FAM83B: variants seen among roughly 807,000 people sequenced by gnomAD.
The protein encoded by FAM83B is scaffolding CK1 anchoring protein B.
A neutral mutation model predicts 38.8 loss-of-function variants in FAM83B; 26 were observed. The ratio of observed to expected loss-of-function variants is 0.67; its 90% CI spans 0.49 to 0.93. The LOEUF (loss-of-function observed/expected upper bound fraction) is 0.93, where lower values mean the gene tolerates loss of function less well. FAM83B is among the 40% of genes least tolerant of loss of function. FAM83B has a pLI of 0.00. For missense variants in FAM83B, 1,237 were observed against 1,197.3 expected, an observed-to-expected ratio of 1.03 and a Z score of -0.49; for synonymous variants, 419 against 423.1, an observed-to-expected ratio of 0.99 and a Z score of 0.12.
chr6:54,868,257 G>A (rs1771764848), intron 1 of FAM83B, among the ~76,000 whole-genome samples: 1 of 152,088 alleles, frequency 6.6e-6, no homozygotes, highest in Non-Finnish European at 1.5e-5. Flanking sequence ...ATGGATGGCT[G>A]TCTCATGCAT....
At chr6:54,900,320 C>T (rs1044345961) in intron 2 of FAM83B, among the ~76,000 whole-genome samples, 1 of 152,114 alleles carries the variant, frequency 6.6e-6, no homozygotes, top group African/African-American at 2.4e-5. Flanking sequence ...ATATCAGGAT[C>T]TCTGGGGGAA....
rs777906166 is a variant in FAM83B, at chr6:54,927,555, A to C, written c.657A>C (p.Thr219=). ...TVKGQDYLSK[T]GAKFHGKMEQ... is the part of the protein sequence containing the mutation. ...AAGGCCAAGATTATCTTTCAAAAAC[A>C]GGGGCAAAATTCCATGGAAAAATGG... is the stretch of plus-strand genomic sequence containing the variant. Residue 219 remains threonine, a synonymous_variant, in exon 4 of 5, where the codon ACA becomes ACC. Coordinates refer to ENST00000306858, the MANE Select transcript of FAM83B (RefSeq NM_001010872.3). 3.1e-6 allele frequency: 5 copies of C among 1,608,864 alleles called. No homozygotes were observed. Among genetic ancestry groups the C allele is most frequent in the Non-Finnish European group, 3.4e-6 (4 of 1,176,862 alleles).
intron 1 of FAM83B, among the ~76,000 whole-genome samples, chr6:54,862,991 G>A (rs1771622503): frequency 6.6e-6 from 1 of 152,142 alleles, no homozygotes; most frequent in East Asian, 1.9e-4. Flanking sequence ...GGTGATTCTG[G>A]AGAAACTGGG....
rs932945006 is a variant in FAM83B, at chr6:54,941,022, T to C, written c.2051T>C (p.Val684Ala). Reference sequence around the variant, plus strand: ...GATCCTGGAAATAGTAAGCATTATGTATATAGTACACTTACCAGGAATCGA... The same window carrying C: ...GATCCTGGAAATAGTAAGCATTATGCATATAGTACACTTACCAGGAATCGA... ...NLDPGNSKHY[V>A]YSTLTRNRVR... Residue 684 changes from valine (V) to alanine (A), a missense_variant, in exon 5 of 5, where the codon GTA (valine) becomes GCA (alanine). Coordinates refer to ENST00000306858, the MANE Select transcript of FAM83B (RefSeq NM_001010872.3). The C allele has an allele frequency of 3.7e-6, 6 of 1,613,806 alleles. No individual in the cohort carries two copies. The African/African-American group carries it at 4.0e-5, about 11-fold the overall frequency.
chr6:54,896,084 GT>G (rs1428968367), intron 2 of FAM83B, among the ~76,000 whole-genome samples: 2 of 152,100 alleles, frequency 1.3e-5, no homozygotes, highest in African/African-American at 4.8e-5. Context: ...TAGAGACAGG[GT>G]TTCACCATGT....
At position 54,940,793 on chromosome 6, in the gene FAM83B, G is replaced by C. The variant is rs1379717690; in HGVS notation, c.1822G>C (p.Ala608Pro). 2.5e-6 allele frequency: 4 copies of C among 1,613,836 alleles called. No homozygotes were observed. Among genetic ancestry groups the C allele is most frequent in the African/African-American group, 1.3e-5 (1 of 74,860 alleles). ...SIPKLPLQSEAPKMHTLQVPE... is the reference protein window; with the variant it reads ...SIPKLPLQSEPPKMHTLQVPE... ...CCCCAAGCTCCCATTGCAGTCAGAG[G>C]CACCAAAAATGCACACCTTGCAGGT... Residue 608 changes from alanine (A) to proline (P), a missense_variant, in exon 5 of 5, where the codon GCA becomes CCA. By Grantham distance (27) the Ala-to-Pro change is conservative. Transcript: ENST00000306858.
At position 54,939,933 on chromosome 6, in the gene FAM83B, A is replaced by T. The variant is rs1037971928; in HGVS notation, c.962A>T (p.Asn321Ile). 5 of 1,613,876 alleles carry T rather than the reference A, an allele frequency of 3.1e-6. No homozygotes were observed. Among genetic ancestry groups the T allele is most frequent in the Middle Eastern group, 1.6e-4 (1 of 6,082 alleles). ...TTAGCATCTGTTTCCAGCCAGAGAA[A>T]CCTTTTTGGTAGACAAGACAAGATT... ...SSLASVSSQR[N>I]LFGRQDKIHK... Residue 321 changes from asparagine (N) to isoleucine (I), a missense_variant, in exon 5 of 5, where the codon AAC becomes ATC. Coordinates refer to ENST00000306858, the MANE Select transcript of FAM83B (RefSeq NM_001010872.3).
At chr6:54,909,334 CT>C (rs1772851633) in intron 2 of FAM83B, among the ~76,000 whole-genome samples, 1 of 152,184 alleles carries the variant, frequency 6.6e-6, no homozygotes, top group African/African-American at 2.4e-5. Flanking sequence ...CCAACTCCCT[CT>C]TGGAATGCTG....
intron 2 of FAM83B, among the ~76,000 whole-genome samples, chr6:54,893,263 G>A (rs1772446035): frequency 6.6e-6 from 1 of 152,172 alleles, no homozygotes; most frequent in East Asian, 1.9e-4. Flanking sequence ...ATATTTTCGA[G>A]GAGATCTAGT....
chr6:54,885,054 G>A (rs965092239), intron 2 of FAM83B, among the ~76,000 whole-genome samples: 5 of 152,082 alleles, frequency 3.3e-5, no homozygotes, highest in Non-Finnish European at 7.4e-5. Context: ...TTACAGGCGT[G>A]AGCCACTGCG....
At chr6:54,920,738 T>C (rs1286458558) in intron 2 of FAM83B, among the ~76,000 whole-genome samples, 1 of 151,912 alleles carries the variant, frequency 6.6e-6, no homozygotes, top group Non-Finnish European at 1.5e-5. Context: ...ATTTGGTGCA[T>C]TTATTAAATT....
rs1357051306 is a variant in FAM83B, at chr6:54,940,041, G to C, written c.1070G>C (p.Gly357Ala). The change falls in exon 5 of 5, where the codon GGA (glycine) becomes GCA (alanine). Residue 357 changes from glycine to alanine, a missense_variant. Gly to Ala is a moderately conservative substitution (Grantham distance 60, BLOSUM62 0). Coordinates refer to ENST00000306858, the MANE Select transcript of FAM83B (RefSeq NM_001010872.3). ...GACAAATATAACATAAGAAGTCACGGATACAAACCTCATTTTGTTCCTAAC... is the reference window on the plus strand; with the variant it reads ...GACAAATATAACATAAGAAGTCACGCATACAAACCTCATTTTGTTCCTAAC... ...EHDKYNIRSH[G>A]YKPHFVPNFN... 21 of 1,613,926 alleles carry C rather than the reference G, an allele frequency of 1.3e-5. No individual in the cohort carries two copies. The highest frequency in any genetic ancestry group is 1.8e-5 in the Non-Finnish European group (21 of 1,179,946).
chr6:54,935,579 C>A (rs1561930567), intron 4 of FAM83B, among the ~76,000 whole-genome samples: 1 of 152,016 alleles, frequency 6.6e-6, no homozygotes, highest in Non-Finnish European at 1.5e-5. Flanking sequence ...GGAAAGCAGG[C>A]AGGGTAGGAA....
intron 2 of FAM83B, among the ~76,000 whole-genome samples, chr6:54,924,971 T>G (rs1434602148): frequency 1.3e-5 from 2 of 152,172 alleles, no homozygotes; most frequent in Non-Finnish European, 2.9e-5. Flanking sequence ...AGCCCTTTAA[T>G]AGCTTACAGT....
rs1342731158 is a variant in FAM83B at position 54,940,326 on chromosome 6, A to T, written c.1355A>T (p.Lys452Ile). Residue 452 changes from lysine to isoleucine, a missense_variant, in exon 5 of 5, where the codon AAA (lysine) becomes ATA (isoleucine). By Grantham distance (102) the Lys-to-Ile change is moderately radical (BLOSUM62 -3). Transcript: ENST00000306858. ...QSFANRLAQR[K>I]TTNLADRNSN... is the part of the protein sequence containing the mutation. ...TTTGCCAATCGGCTTGCGCAGAGAA[A>T]AACAACAAATCTTGCAGACAGGAAT... 1 of 1,613,956 alleles carries T rather than the reference A, an allele frequency of 6.2e-7. No homozygotes were observed. The highest frequency in any genetic ancestry group is 2.2e-5 in the East Asian group (1 of 44,876).
At chr6:54,913,876 T>C (rs1772973127) in intron 2 of FAM83B, among the ~76,000 whole-genome samples, 1 of 151,728 alleles carries the variant, frequency 6.6e-6, no homozygotes, top group Non-Finnish European at 1.5e-5. Context: ...TCATCTGAAT[T>C]GTTTCAATGT....
chr6:54,872,294 G>T (rs535721770), intron 2 of FAM83B, among the ~76,000 whole-genome samples: 17 of 152,144 alleles, frequency 1.1e-4, no homozygotes, highest in African/African-American at 3.9e-4. Context: ...TTTAAACAGC[G>T]CTATCTTAGG....
intron 2 of FAM83B, among the ~76,000 whole-genome samples, chr6:54,893,542 G>A (rs904991789): frequency 6.6e-6 from 1 of 151,982 alleles, no homozygotes; most frequent in Non-Finnish European, 1.5e-5. Context: ...TCATCACCAG[G>A]TGGTTCTTAA....
intron 1 of FAM83B, among the ~76,000 whole-genome samples, chr6:54,869,633 G>A (rs953129378): frequency 1.3e-5 from 2 of 152,052 alleles, no homozygotes; most frequent in South Asian, 4.1e-4. Context: ...GGGTCCAGCC[G>A]AAGCCCACCT....
Sources: gnomAD v4.1 joint callset for allele counts (sites outside exome capture counted in the v4.1 genomes callset) on GRCh38, gnomAD v4.1.1 for gene constraint, MANE v1.5 for transcripts, NCBI Gene and HGNC (gene_info 2026-07-23, HGNC 2026-07-21) for gene names.